Variants in FHIP1A observed in about 807,000 individuals in gnomAD.
FHIP1A encodes FHF complex subunit HOOK-interacting protein 1A.
Under a neutral mutation model 88.6 loss-of-function variants are expected in FHIP1A, and 61 were observed. The ratio of observed to expected loss-of-function variants is 0.69; its 90% CI spans 0.56 to 0.85. FHIP1A has a LOEUF of 0.85. FHIP1A is among the 40% of genes least tolerant of loss of function. The pLI, the probability that FHIP1A is intolerant of heterozygous loss-of-function variation, is 0.00. For synonymous variants in FHIP1A, 478 were observed against 496.0 expected, an observed-to-expected ratio of 0.96 and a Z score of 0.48; for missense variants, 1,154 against 1,273.5, an observed-to-expected ratio of 0.91 and a Z score of 1.43.
chr4:151,608,880 G>A (rs772925198), intron 7 of FHIP1A, among the ~76,000 whole-genome samples: 2 of 152,188 alleles, frequency 1.3e-5, no homozygotes, highest in Non-Finnish European at 2.9e-5. Context: ...TTAAGACTTA[G>A]TAGTAGTATC....
intron 3 of FHIP1A, among the ~76,000 whole-genome samples, chr4:151,486,981 AG>A (rs1234906355): frequency 6.6e-6 from 1 of 151,276 alleles, no homozygotes; most frequent in Non-Finnish European, 1.5e-5. Flanking sequence ...AAAAAAAAAA[AG>A]AAAAATATTT....
chr4:151,442,800 G>A (rs1449974112), intron 1 of FHIP1A, among the ~76,000 whole-genome samples: 2 of 152,056 alleles, frequency 1.3e-5, no homozygotes, highest in Non-Finnish European at 2.9e-5. Context: ...TCTTCCATAT[G>A]TTCTATCCTT....
chr4:151,412,269 AT>A (rs775531982), intron 1 of FHIP1A, among the ~76,000 whole-genome samples: 2 of 151,660 alleles, frequency 1.3e-5, no homozygotes, highest in Non-Finnish European at 2.9e-5. Flanking sequence ...TGCTCAGCTA[AT>A]TTTTTTTGTA....
chr4:151,665,036 G>A lies in FHIP1A; in HGVS notation c.*2282G>A, dbSNP rs1410294275. ...GCTGCCTGGGCTAGAGTGGAGTGGTGTGATCACAGCTCATTGTAGCCTCAA... is the reference window on the plus strand; with the variant it reads ...GCTGCCTGGGCTAGAGTGGAGTGGTATGATCACAGCTCATTGTAGCCTCAA... On this transcript the variant is annotated 3_prime_UTR_variant, in exon 14 of 14. Coordinates refer to ENST00000435205, the MANE Select transcript of FHIP1A (RefSeq NM_001109977.3). Among the ~76,000 whole-genome samples the A allele has an allele frequency of 6.6e-6, 1 of 152,116 alleles. No homozygotes were observed. Among genetic ancestry groups the A allele is most frequent in the African/African-American group, 2.4e-5 (1 of 41,414 alleles).
At chr4:151,436,540 G>A (rs578033994) in intron 1 of FHIP1A, 16 of 152,014 alleles carry the variant, frequency 1.1e-4, no homozygotes, top group African/African-American at 3.1e-4. Flanking sequence ...TATCCTACTC[G>A]TTTAAAAGTT....
At chr4:151,581,943 G>A (rs898093401) in intron 5 of FHIP1A, among the ~76,000 whole-genome samples, 3 of 152,106 alleles carry the variant, frequency 2.0e-5, no homozygotes, top group African/African-American at 7.2e-5. Context: ...AGGAAAAGAA[G>A]GAGATTGAAG....
intron 8 of FHIP1A, among the ~76,000 whole-genome samples, chr4:151,637,179 A>G (rs1736386400): frequency 6.6e-6 from 1 of 152,168 alleles, no homozygotes; most frequent in Admixed American, 6.6e-5. Flanking sequence ...AATGGACCAA[A>G]GACCTAAATG....
intron 5 of FHIP1A, among the ~76,000 whole-genome samples, chr4:151,582,028 A>T (rs1234882926): frequency 6.6e-6 from 1 of 152,182 alleles, no homozygotes; most frequent in East Asian, 1.9e-4. Context: ...TTTTAAAACC[A>T]AATATTGATG....
intron 4 of FHIP1A, among the ~76,000 whole-genome samples, chr4:151,570,527 A>G (rs972713193): frequency 1.3e-5 from 2 of 152,184 alleles, no homozygotes; most frequent in Non-Finnish European, 2.9e-5. Flanking sequence ...ATCATGGCAC[A>G]CTACAGCCTT....
At chr4:151,581,342 T>C (rs1476724286) in intron 5 of FHIP1A, among the ~76,000 whole-genome samples, 2 of 152,150 alleles carry the variant, frequency 1.3e-5, no homozygotes. Context: ...TGCAGTTCTA[T>C]TTGTAATTTT....
At chr4:151,559,306 T>G (rs979675561) in intron 3 of FHIP1A, among the ~76,000 whole-genome samples, 1 of 152,194 alleles carries the variant, frequency 6.6e-6, no homozygotes, top group South Asian at 2.1e-4. Flanking sequence ...TGCTTTTATT[T>G]TGTTAAATAA....
At chr4:151,489,534 G>A (rs1176096526) in intron 3 of FHIP1A, among the ~76,000 whole-genome samples, 1 of 152,298 alleles carries the variant, frequency 6.6e-6, no homozygotes, top group Admixed American at 6.5e-5. Context: ...GAGGGGCAAG[G>A]CCTGAGAGCC....
intron 3 of FHIP1A, among the ~76,000 whole-genome samples, chr4:151,551,578 TGGGGAAA>T (rs980403362): frequency 1.3e-5 from 2 of 152,130 alleles, no homozygotes; most frequent in African/African-American, 4.8e-5. Flanking sequence ...AAGCAAGAAA[TGGGGAAA>T]GGATTCCCTA....
intron 13 of FHIP1A, among the ~76,000 whole-genome samples, chr4:151,661,943 A>G (rs753248332): frequency 5.5e-4 from 83 of 152,094 alleles, no homozygotes; most frequent in Non-Finnish European, 9.9e-4. Context: ...CTTTTATGTA[A>G]AACGTTGGAG....
At chr4:151,639,678 T>C (rs1037473839) in intron 9 of FHIP1A, among the ~76,000 whole-genome samples, 3 of 152,102 alleles carry the variant, frequency 2.0e-5, no homozygotes, top group Admixed American at 1.3e-4. Flanking sequence ...CCAGAGAGAA[T>C]GTGGCCCCAA....
chr4:151,543,989 C>T (rs912122834), intron 3 of FHIP1A, among the ~76,000 whole-genome samples: 10 of 152,130 alleles, frequency 6.6e-5, no homozygotes, highest in Non-Finnish European at 1.2e-4. Flanking sequence ...TCTTTGCTAA[C>T]GTGATAGATG....
intron 3 of FHIP1A, among the ~76,000 whole-genome samples, chr4:151,502,866 C>T (rs77137002): frequency 0.014 from 2,194 of 152,296 alleles, 47 homozygotes; most frequent in African/African-American, 0.051. Context: ...TTCACGCAGT[C>T]CTTACATTGT....
intron 3 of FHIP1A, among the ~76,000 whole-genome samples, chr4:151,559,747 G>T (rs1042025974): frequency 6.6e-6 from 1 of 152,110 alleles, no homozygotes; most frequent in Non-Finnish European, 1.5e-5. Context: ...GTAATTAGTA[G>T]CTATAGATAG....
intron 5 of FHIP1A, among the ~76,000 whole-genome samples, chr4:151,581,170 A>C (rs534137842): frequency 6.6e-6 from 1 of 152,278 alleles, no homozygotes; most frequent in East Asian, 1.9e-4. Flanking sequence ...AGTTTACATA[A>C]AATTTTAAAA....
Sources: gnomAD v4.1 joint callset for allele counts (sites outside exome capture counted in the v4.1 genomes callset) on GRCh38, gnomAD v4.1.1 for gene constraint, MANE v1.5 for transcripts, NCBI Gene and HGNC (gene_info 2026-07-23, HGNC 2026-07-21) for gene names.